BNC2: variants seen among roughly 807,000 people sequenced by gnomAD.
BNC2 encodes the protein zinc finger protein basonuclin-2.
Under a neutral mutation model 76.3 loss-of-function variants are expected in BNC2, and 20 were observed. The ratio of observed to expected loss-of-function variants is 0.26; its 90% CI spans 0.18 to 0.38. BNC2 has a LOEUF of 0.38. BNC2 is among the 10% of genes least tolerant of loss of function. The pLI, the probability that BNC2 is intolerant of heterozygous loss-of-function variation, is 1.00. For synonymous variants in BNC2, 582 were observed against 514.8 expected (o/e 1.13, Z -1.77); for missense variants, 1,382 against 1,399.8 (o/e 0.99, Z 0.20).
At chr9:16,588,636 T>TA (rs1423054244) in intron 3 of BNC2, among the ~76,000 whole-genome samples, 2 of 152,156 alleles carry the variant, frequency 1.3e-5, no homozygotes, top group Admixed American at 1.3e-4. Context: ...AATAATTTAG[T>TA]AAAAAAACTA....
At chr9:16,851,996 A>G (rs1004823246) in intron 1 of BNC2, among the ~76,000 whole-genome samples, 1 of 152,206 alleles carries the variant, frequency 6.6e-6, no homozygotes, top group African/African-American at 2.4e-5. Context: ...ATAATATTTC[A>G]CTTTCAACTC....
chr9:16,552,878 G>T, intron 4 of BNC2, 113 bp from the exon 5 acceptor site: 1 of 833,598 alleles, frequency 1.2e-6, no homozygotes, highest in Non-Finnish European at 2.0e-6. Flanking sequence ...TTCTACACAT[G>T]AATGTTCGCC....
intron 3 of BNC2, among the ~76,000 whole-genome samples, chr9:16,673,163 A>G (rs1822531084): frequency 1.3e-5 from 2 of 152,208 alleles, no homozygotes; most frequent in African/African-American, 4.8e-5. Context: ...TTATATGACT[A>G]TAATTACAAA....
intron 3 of BNC2, among the ~76,000 whole-genome samples, chr9:16,671,618 C>T (rs763265930): frequency 3.3e-5 from 5 of 152,184 alleles, no homozygotes; most frequent in Admixed American, 6.5e-5. Flanking sequence ...GGACATACAG[C>T]TCATACTGTT....
chr9:16,452,657 G>A (rs7848246), intron 5 of BNC2, among the ~76,000 whole-genome samples: 3,806 of 152,136 alleles, frequency 0.025, 165 homozygotes, highest in African/African-American at 0.087. Flanking sequence ...TGATCCACCC[G>A]CCTCGGCCTC....
chr9:16,468,450 C>CA (rs1194514837), intron 5 of BNC2, among the ~76,000 whole-genome samples: 2 of 151,758 alleles, frequency 1.3e-5, no homozygotes, highest in Middle Eastern at 3.2e-3. Context: ...GGCTGGAGTA[C>CA]AGAGGCATGA....
intron 3 of BNC2, among the ~76,000 whole-genome samples, chr9:16,719,624 T>C (rs992554439): frequency 6.6e-6 from 1 of 152,226 alleles, no homozygotes; most frequent in African/African-American, 2.4e-5. Flanking sequence ...GAAAGCTATG[T>C]CTTTCCCATA....
At chr9:16,490,271 C>A (rs970598236) in intron 5 of BNC2, among the ~76,000 whole-genome samples, 4 of 151,996 alleles carry the variant, frequency 2.6e-5, no homozygotes, top group South Asian at 2.1e-4. Flanking sequence ...ACATGGCAGC[C>A]GCAAGAGAAA....
chr9:16,851,680 T>G (rs4961501), intron 1 of BNC2, among the ~76,000 whole-genome samples: 107,275 of 152,018 alleles, frequency 0.71, 38,868 homozygotes, highest in South Asian at 0.91. Context: ...AAACTGTTTT[T>G]AAAAACTTAA....
At chr9:16,738,781 T>G (rs541411326) in intron 1 of BNC2, among the ~76,000 whole-genome samples, 59 of 152,142 alleles carry the variant, frequency 3.9e-4, no homozygotes, top group Middle Eastern at 3.4e-3. Context: ...TATGACACTT[T>G]TAACTGCTGT....
chr9:16,548,338 T>C (rs1446574499), intron 5 of BNC2, among the ~76,000 whole-genome samples: 1 of 152,018 alleles, frequency 6.6e-6, no homozygotes. Flanking sequence ...ACTGCTTCCA[T>C]TCATGGTCAA....
At position 16,437,334 on chromosome 9, in the gene BNC2, T is replaced by C; in HGVS notation, c.860A>G (p.Glu287Gly). ...KTDSDIRTFI[E>G]SNNRTRSPSL... ...GGGACTCCTGGTGCGATTATTGCTC[T>C]CAATGAAAGTCCTTATATCTGAGTC... Residue 287 changes from glutamate (E) to glycine (G), a missense_variant, in exon 6 of 7, where the codon GAG (glutamate) becomes GGG (glycine). Around this residue, in one of 3 missense-constraint regions of BNC2, gnomAD observed 557 missense variants for 540.9 expected, o/e 1.03. Coordinates refer to ENST00000380672, the MANE Select transcript of BNC2 (RefSeq NM_017637.6). The C allele has an allele frequency of 6.2e-7, 1 of 1,614,178 alleles. No homozygotes were observed. Among genetic ancestry groups the C allele is most frequent in the Non-Finnish European group, 8.5e-7 (1 of 1,180,014 alleles).
intron 3 of BNC2, among the ~76,000 whole-genome samples, chr9:16,678,267 C>CTTTTTTTTTTATTTTTTTTTTTTTTTTTT (rs1822714941): frequency 1.2e-5 from 1 of 80,718 alleles, no homozygotes; most frequent in Non-Finnish European, 2.2e-5. Flanking sequence ...CTTTCTTTTT[C>CTTTTTTTTTTATTTTTTTTTTTTTTTTTT]TTTTTTTTTT....
intron 1 of BNC2, among the ~76,000 whole-genome samples, chr9:16,834,321 G>C (rs886697317): frequency 5.3e-5 from 8 of 152,092 alleles, no homozygotes; most frequent in African/African-American, 1.4e-4. Flanking sequence ...CCACTTGTTG[G>C]GGTCAATGTT....
intron 3 of BNC2, among the ~76,000 whole-genome samples, chr9:16,706,015 A>G (rs1170991060): frequency 6.6e-6 from 1 of 152,256 alleles, no homozygotes; most frequent in Non-Finnish European, 1.5e-5. Context: ...TCCAAGCAAC[A>G]TAACTGACAA....
At chr9:16,804,457 A>G (rs2135781532) in intron 1 of BNC2, among the ~76,000 whole-genome samples, 1 of 152,348 alleles carries the variant, frequency 6.6e-6, no homozygotes, top group East Asian at 1.9e-4. Context: ...TACTCTATGC[A>G]TGCATATACA....
chr9:16,641,957 A>T (rs1032375373), intron 3 of BNC2, among the ~76,000 whole-genome samples: 4 of 152,234 alleles, frequency 2.6e-5, no homozygotes, highest in Non-Finnish European at 5.9e-5. Flanking sequence ...TAAAAGTCAC[A>T]GGCAAATATC....
intron 4 of BNC2, among the ~76,000 whole-genome samples, chr9:16,554,646 G>T (rs1818767064): frequency 6.6e-6 from 1 of 152,122 alleles, no homozygotes; most frequent in South Asian, 2.1e-4. Context: ...CAGGGATGGG[G>T]TATTACTATC....
chr9:16,852,289 C>T (rs528394617), intron 1 of BNC2, among the ~76,000 whole-genome samples: 3 of 152,188 alleles, frequency 2.0e-5, no homozygotes, highest in South Asian at 4.1e-4. Flanking sequence ...TCCCCCAAAT[C>T]GTAAAGGATG....
Sources: allele counts gnomAD v4.1 joint callset (sites outside exome capture counted in the v4.1 genomes callset), GRCh38; gene constraint gnomAD v4.1.1; regional missense constraint gnomAD v4.1.1; transcripts MANE v1.5; gene names NCBI Gene and HGNC (gene_info 2026-07-23, HGNC 2026-07-21).